MAGI1: variants seen among roughly 807,000 people sequenced by gnomAD.
The protein encoded by MAGI1 is membrane associated guanylate kinase, WW and PDZ domain containing 1, also known as membrane-associated guanylate kinase, WW and PDZ domain-containing protein 1.
MAGI1 carries 58 observed loss-of-function variants against 139.9 expected under a neutral mutation model. That is an observed-to-expected ratio of 0.41 (90% confidence interval 0.34 to 0.52). The LOEUF is 0.52. Ranked by LOEUF, MAGI1 falls within the 20% of genes least tolerant of loss-of-function variation. The probability of loss-of-function intolerance (pLI) is 0.12; values close to 1 mark genes in which losing one functional copy is unlikely to be tolerated. For missense variants in MAGI1, 1,874 were observed against 1,901.6 expected, an observed-to-expected ratio of 0.99 and a Z score of 0.27; for synonymous variants, 812 against 737.9, an observed-to-expected ratio of 1.10 and a Z score of -1.63.
intron 1 of MAGI1, among the ~76,000 whole-genome samples, chr3:65,824,185 T>G (rs911909510): frequency 6.6e-6 from 1 of 152,242 alleles, no homozygotes; most frequent in Admixed American, 6.5e-5. Context: ...ATGCCTAGCC[T>G]ACGTCCCTGT....
At chr3:65,875,541 C>A (rs1445741830) in intron 1 of MAGI1, among the ~76,000 whole-genome samples, 1 of 152,138 alleles carries the variant, frequency 6.6e-6, no homozygotes, top group Non-Finnish European at 1.5e-5. Context: ...TGACTATGAC[C>A]AATGTCAGAG....
intron 1 of MAGI1, among the ~76,000 whole-genome samples, chr3:65,849,825 T>C (rs1308495745): frequency 6.6e-6 from 1 of 152,186 alleles, no homozygotes; most frequent in Non-Finnish European, 1.5e-5. Flanking sequence ...CTCCTTCCTT[T>C]TTCCAGGTTC....
chr3:65,568,224 T>C (rs1052480029), intron 2 of MAGI1, among the ~76,000 whole-genome samples: 3 of 152,206 alleles, frequency 2.0e-5, no homozygotes, highest in Non-Finnish European at 4.4e-5. Context: ...CAGGAATTGT[T>C]TCCCCATATC....
At chr3:65,482,555 A>T (rs902775953) in intron 3 of MAGI1, among the ~76,000 whole-genome samples, 11 of 152,168 alleles carry the variant, frequency 7.2e-5, no homozygotes, top group Non-Finnish European at 1.5e-4. Flanking sequence ...ACCTCATAGG[A>T]TTATTGTGAA....
At chr3:65,658,572 G>C (rs2086016038) in intron 1 of MAGI1, among the ~76,000 whole-genome samples, 1 of 152,144 alleles carries the variant, frequency 6.6e-6, no homozygotes. Context: ...TGGTTAAAAT[G>C]CTCATTCTGA....
At chr3:65,924,527 C>G (rs940348635) in intron 1 of MAGI1, among the ~76,000 whole-genome samples, 2 of 152,188 alleles carry the variant, frequency 1.3e-5, no homozygotes, top group African/African-American at 4.8e-5. Flanking sequence ...TGGCAGGAAT[C>G]AGAATGCTCA....
rs563595567 is a variant in MAGI1 at position 65,860,037 on chromosome 3, A to G, written c.313+177959T>C. 2.6e-5 allele frequency among the ~76,000 whole-genome samples: 4 copies of G among 151,924 alleles called. No homozygotes were observed. In the East Asian group the frequency reaches 7.9e-4, roughly 30 times the overall value. On this transcript the variant is annotated intron_variant, in intron 1 of 22. Transcript: ENST00000402939. ...CAGCCTCCCGAGTAGCTGGGATTAC[A>G]GGCACGCACCACCATGCCTGGCTAA...
chr3:65,928,994 G>T (rs1277851761), intron 1 of MAGI1, among the ~76,000 whole-genome samples: 1 of 151,862 alleles, frequency 6.6e-6, no homozygotes, highest in Non-Finnish European at 1.5e-5. Context: ...CTTATTTAAT[G>T]AAAAAAGCAG....
intron 2 of MAGI1, among the ~76,000 whole-genome samples, chr3:65,534,351 C>T (rs908756756): frequency 1.3e-5 from 2 of 152,024 alleles, no homozygotes; most frequent in South Asian, 4.1e-4. Context: ...ATCAGCCAGG[C>T]GTAGTGGTGC....
chr3:65,470,519 G>C, intron 4 of MAGI1, 35 bp from the exon 5 acceptor site: 1 of 1,307,094 alleles, frequency 7.7e-7, no homozygotes, highest in Non-Finnish European at 1.0e-6. Flanking sequence ...GAGAGAGAGA[G>C]AGAGAAAAAA....
chr3:65,805,016 T>C (rs922806578), intron 1 of MAGI1, among the ~76,000 whole-genome samples: 1 of 152,092 alleles, frequency 6.6e-6, no homozygotes, highest in African/African-American at 2.4e-5. Context: ...TGATTCAGGA[T>C]ATAGGCATGG....
chr3:65,961,074 C>T (rs1252146311), intron 1 of MAGI1, among the ~76,000 whole-genome samples: 1 of 152,148 alleles, frequency 6.6e-6, no homozygotes, highest in Admixed American at 6.6e-5. Flanking sequence ...AACATGAAAT[C>T]CCGGAATAAC....
intron 1 of MAGI1, among the ~76,000 whole-genome samples, chr3:65,967,903 G>C (rs752485247): frequency 6.6e-6 from 1 of 152,202 alleles, no homozygotes; most frequent in Non-Finnish European, 1.5e-5. Context: ...GGGAGGAGGC[G>C]TGAGTCTGCA....
chr3:66,013,601 A>T (rs1398671471), intron 1 of MAGI1, among the ~76,000 whole-genome samples: 1 of 151,600 alleles, frequency 6.6e-6, no homozygotes, highest in Non-Finnish European at 1.5e-5. Flanking sequence ...CTCTACTAAA[A>T]ATACAAAAAA....
intron 1 of MAGI1, among the ~76,000 whole-genome samples, chr3:65,637,619 A>T (rs936366137): frequency 6.7e-6 from 1 of 150,184 alleles, no homozygotes; most frequent in Non-Finnish European, 1.5e-5. Flanking sequence ...AAAGAAAGAA[A>T]ATTGCAAAAG....
Position 65,414,998 on chromosome 3 carries a change from C to T in MAGI1, c.2168-13528G>A, listed in dbSNP as rs1946085958. ...GAGCCGAGATCATGCCATTGCACTC[C>T]AGCCTGGGAAAAAAAAAAAAACAAA... On this transcript the variant is annotated intron_variant, in intron 12 of 22. Transcript: ENST00000402939. 3.7e-5 allele frequency among the ~76,000 whole-genome samples: 5 copies of T among 136,194 alleles called. No homozygotes were observed. The South Asian group carries it at 1.3e-3, about 34-fold the overall frequency. The allele number at this position is 136,194 out of a possible 152,430, so 89.3% of individuals were successfully genotyped here. A position where few individuals can be genotyped will look rare whatever the true frequency, so the allele number is the denominator to read the frequency against.
intron 1 of MAGI1, among the ~76,000 whole-genome samples, chr3:66,004,456 G>A (rs1185984762): frequency 2.0e-5 from 3 of 152,118 alleles, no homozygotes; most frequent in Non-Finnish European, 2.9e-5. Context: ...ATGGTGGCTG[G>A]GATCCAGGAA....
intron 2 of MAGI1, among the ~76,000 whole-genome samples, chr3:65,524,923 G>C (rs527566447): frequency 7.9e-5 from 12 of 152,182 alleles, no homozygotes; most frequent in African/African-American, 2.9e-4. Context: ...TCTGCAAATG[G>C]TACCCTTTAG....
chr3:65,741,983 G>C (rs953864601), intron 1 of MAGI1, among the ~76,000 whole-genome samples: 4 of 152,308 alleles, frequency 2.6e-5, no homozygotes, highest in Admixed American at 6.5e-5. Context: ...GTGCCACCTT[G>C]ACAGAGTAGG....
Sources: allele counts gnomAD v4.1 joint callset (sites outside exome capture counted in the v4.1 genomes callset), GRCh38; gene constraint gnomAD v4.1.1; transcripts MANE v1.5; gene names NCBI Gene and HGNC (gene_info 2026-07-23, HGNC 2026-07-21).